CNTN1: variants seen among roughly 807,000 people sequenced by gnomAD.
The protein encoded by CNTN1 is contactin-1.
In CNTN1, 38 loss-of-function variants were observed where a neutral mutation model predicts 126.4. The ratio of observed to expected loss-of-function variants is 0.30; its 90% confidence interval spans 0.23 to 0.39. The LOEUF is 0.39. Among genes scored for constraint, CNTN1 ranks in the 10% least tolerant of loss-of-function variants. The pLI is 1.00. For missense variants in CNTN1, 1,009 were observed against 1,248.4 expected, an observed-to-expected ratio of 0.81 and a Z score of 2.89; for synonymous variants, 413 against 422.6, an observed-to-expected ratio of 0.98 and a Z score of 0.28.
chr12:40,923,043 A>T (rs1478788672), intron 5 of CNTN1, among the ~76,000 whole-genome samples: 11 of 151,146 alleles, frequency 7.3e-5, no homozygotes, highest in African/African-American at 2.7e-4. Flanking sequence ...TATCACCCCT[A>T]AGGGGGTGAA....
chr12:40,720,666 T>C (rs1942179673), intron 1 of CNTN1, among the ~76,000 whole-genome samples: 1 of 152,142 alleles, frequency 6.6e-6, no homozygotes, highest in Admixed American at 6.6e-5. Flanking sequence ...CGGTGGCTCA[T>C]GTCTGTAATC....
intron 1 of CNTN1, among the ~76,000 whole-genome samples, chr12:40,737,246 G>A (rs1716348252): frequency 1.3e-5 from 2 of 150,550 alleles, no homozygotes; most frequent in South Asian, 4.2e-4. Context: ...ACTTGTATTA[G>A]TCAGGGTTCT....
chr12:41,029,250 T>A (rs1431222045), intron 23 of CNTN1, 31 bp downstream of exon 23: 12 of 1,612,672 alleles, frequency 7.4e-6, no homozygotes, highest in Non-Finnish European at 1.0e-5. Flanking sequence ...ACATTTCAAC[T>A]AAGTACTTGT....
intron 1 of CNTN1, among the ~76,000 whole-genome samples, chr12:40,799,582 C>T (rs899220042): frequency 6.6e-6 from 1 of 151,940 alleles, no homozygotes; most frequent in Non-Finnish European, 1.5e-5. Context: ...TGAGACCTGA[C>T]AAAACAAAAG....
chr12:40,813,639 G>T (rs1941165260), intron 1 of CNTN1, among the ~76,000 whole-genome samples: 1 of 152,126 alleles, frequency 6.6e-6, no homozygotes, highest in South Asian at 2.1e-4. Context: ...ATTGTAAATA[G>T]TGCTGCAATA....
intron 17 of CNTN1, among the ~76,000 whole-genome samples, chr12:41,004,306 G>T (rs145967952): frequency 2.0e-5 from 3 of 152,042 alleles, no homozygotes; most frequent in African/African-American, 7.2e-5. Flanking sequence ...CCAAGAGATT[G>T]TTTCTTATTA....
rs190916042 is a variant in CNTN1, at chr12:41,017,436, A to G, written c.2419+520A>G. 1.5e-3 allele frequency among the ~76,000 whole-genome samples: 225 copies of G among 151,328 alleles called. 1 individual carries two copies. The highest frequency in any genetic ancestry group is 5.2e-3 in the African/African-American group (215 of 41,374). On this transcript the variant is annotated intron_variant, in intron 19 of 23. Coordinates refer to ENST00000551295, the MANE Select transcript of CNTN1 (RefSeq NM_001843.4). ...GTATATATTATATATATTATTTGTA[A>G]AATGGCCCCAAATTCTAACCTAAAA...
intron 1 of CNTN1, among the ~76,000 whole-genome samples, chr12:40,745,425 G>C (rs1373241525): frequency 6.6e-6 from 1 of 152,094 alleles, no homozygotes; most frequent in Non-Finnish European, 1.5e-5. Flanking sequence ...GGGATAACTG[G>C]AAGGGGGCCA....
chr12:41,034,709 A>C (rs1263695290), intron 23 of CNTN1, among the ~76,000 whole-genome samples: 2 of 152,236 alleles, frequency 1.3e-5, no homozygotes, highest in Non-Finnish European at 2.9e-5. Flanking sequence ...GCTTACATTT[A>C]AATTACCTCT....
chr12:40,970,538 G>A (rs1947472667), intron 15 of CNTN1, among the ~76,000 whole-genome samples: 1 of 151,966 alleles, frequency 6.6e-6, no homozygotes, highest in African/African-American at 2.4e-5. Context: ...GCTATAAAAT[G>A]GTATAATTCT....
chr12:40,971,437 A>G, intron 15 of CNTN1: 1 of 1,595,396 alleles, frequency 6.3e-7, no homozygotes, highest in Non-Finnish European at 8.5e-7. Flanking sequence ...CTTGCAGGTA[A>G]AAACAGAAAA....
At chr12:41,009,906 T>C (rs1348639980) in intron 17 of CNTN1, among the ~76,000 whole-genome samples, 1 of 152,184 alleles carries the variant, frequency 6.6e-6, no homozygotes, top group Non-Finnish European at 1.5e-5. Flanking sequence ...GCTATAAGGA[T>C]GCTGGTCTGC....
rs557287452 is a variant in CNTN1, at chr12:40,937,960, A to G, written c.1228+273A>G. ...ATTAGAAGTGCAGAATCCCAGGCTCACCCCAGACCTACTGAATGGACACTT... is the reference window on the plus strand; with the variant it reads ...ATTAGAAGTGCAGAATCCCAGGCTCGCCCCAGACCTACTGAATGGACACTT... On this transcript the variant is annotated intron_variant, in intron 11 of 23. Transcript: ENST00000551295. Among the ~76,000 whole-genome samples the G allele has an allele frequency of 7.2e-4, 110 of 152,296 alleles. 1 individual carries two copies. Among genetic ancestry groups the G allele is most frequent in the Non-Finnish European group, 1.4e-3 (92 of 68,030 alleles).
At chr12:40,956,524 G>C (rs965717638) in intron 14 of CNTN1, among the ~76,000 whole-genome samples, 2 of 151,986 alleles carry the variant, frequency 1.3e-5, no homozygotes, top group Non-Finnish European at 2.9e-5. Flanking sequence ...GATAGGGGAG[G>C]GGGTATTGAG....
rs554326095 is a variant in CNTN1, at chr12:41,017,019, T to C, written c.2419+103T>C. 7 of 876,172 alleles carry C rather than the reference T, an allele frequency of 8.0e-6. No individual in the cohort carries two copies. In the East Asian group the frequency reaches 1.6e-4, roughly 19 times the overall value. 54.3% of individuals were successfully genotyped at this position (876,172 alleles called of 1,614,324 possible). A position where few individuals can be genotyped will look rare whatever the true frequency, so the allele number is the denominator to read the frequency against. ...TTCAGGCCTTACTTATTAAGACCTT[T>C]TTATAGCATTATGCATTTAGTAAAT... On this transcript the variant is annotated intron_variant, in intron 19 of 23. Transcript: ENST00000551295.
At position 41,041,374 on chromosome 12, in the gene CNTN1, T is replaced by C. The variant is rs1008612891; in HGVS notation, c.2980+12155T>C. On this transcript the variant is annotated intron_variant, in intron 23 of 23. Coordinates refer to ENST00000551295, the MANE Select transcript of CNTN1 (RefSeq NM_001843.4). ...TCATCAAGGATATTGGTCTAAAATT[T>C]TCTTTTTTGGTTGTGTCTCTGCCCG... is the stretch of plus-strand genomic sequence containing the variant. 1.5e-3 allele frequency among the ~76,000 whole-genome samples: 227 copies of C among 152,238 alleles called. 1 individual carries two copies. The highest frequency in any genetic ancestry group is 5.1e-3 in the African/African-American group (211 of 41,556).
chr12:40,997,133 T>C (rs117266624), intron 17 of CNTN1, among the ~76,000 whole-genome samples: 1 of 152,244 alleles, frequency 6.6e-6, no homozygotes, highest in East Asian at 1.9e-4. Context: ...AATTAGAAGA[T>C]GTATTTGTAA....
chr12:40,858,773 T>C (rs1943009922), intron 1 of CNTN1, among the ~76,000 whole-genome samples: 1 of 152,152 alleles, frequency 6.6e-6, no homozygotes. Flanking sequence ...GTGGTATATA[T>C]ACACCATGGA....
At chr12:40,991,657 G>A (rs1446813194) in intron 16 of CNTN1, among the ~76,000 whole-genome samples, 4 of 152,078 alleles carry the variant, frequency 2.6e-5, no homozygotes, top group South Asian at 2.1e-4. Context: ...GTGAAATGCC[G>A]TCTCTACTAC....
Sources: gnomAD v4.1 joint callset for allele counts (sites outside exome capture counted in the v4.1 genomes callset) on GRCh38, gnomAD v4.1.1 for gene constraint, MANE v1.5 for transcripts, NCBI Gene and HGNC (gene_info 2026-07-23, HGNC 2026-07-21) for gene names.